IL1RAPL2: variants seen among roughly 807,000 people sequenced by gnomAD.
The protein encoded by IL1RAPL2 is X-linked interleukin-1 receptor accessory protein-like 2.
Under a neutral mutation model 44.1 loss-of-function variants are expected in IL1RAPL2, and 3 were observed. The ratio of observed to expected loss-of-function variants is 0.07; its 90% CI spans 0.03 to 0.18. The LOEUF is 0.18. Ranked by LOEUF, IL1RAPL2 falls within the 10% of genes least tolerant of loss-of-function variation. IL1RAPL2 has a pLI of 1.00. For synonymous variants in IL1RAPL2, 181 were observed against 178.8 expected, an observed-to-expected ratio of 1.01 and a Z score of -0.10; for missense variants, 391 against 496.4, an observed-to-expected ratio of 0.79 and a Z score of 2.02.
At chrX:105,680,904 C>A (rs1340503996) in intron 6 of IL1RAPL2, among the ~76,000 whole-genome samples, 1 of 111,656 alleles carries the variant, frequency 9.0e-6, no homozygotes, top group Non-Finnish European at 1.9e-5. Context: ...GAAATGAGGA[C>A]CCCCAAAACC....
At chrX:104,885,402 A>G (rs1426023601) in intron 2 of IL1RAPL2, among the ~76,000 whole-genome samples, 1 of 111,836 alleles carries the variant, frequency 8.9e-6, no homozygotes, top group Non-Finnish European at 1.9e-5. Context: ...GATGTCCACC[A>G]TAACTCAGGG....
intron 6 of IL1RAPL2, among the ~76,000 whole-genome samples, chrX:105,600,292 T>A (rs1381658520): frequency 2.7e-5 from 3 of 110,338 alleles, no homozygotes; most frequent in Non-Finnish European, 5.7e-5. Flanking sequence ...CTGCACGTAG[T>A]TTTTTTTCTA....
At chrX:105,394,510 A>G (rs1372570968) in intron 5 of IL1RAPL2, among the ~76,000 whole-genome samples, 2 of 111,188 alleles carry the variant, frequency 1.8e-5, no homozygotes, top group African/African-American at 6.5e-5. Flanking sequence ...TACTTGGGCC[A>G]TTGTAGCAGC....
chrX:104,986,631 A>T (rs1027258881), intron 2 of IL1RAPL2, among the ~76,000 whole-genome samples: 1 of 112,364 alleles, frequency 8.9e-6, no homozygotes, highest in Non-Finnish European at 1.9e-5. Context: ...GAATAATGGC[A>T]TCAGAATGTG....
Position 105,233,827 on chromosome X carries a change from A to T in IL1RAPL2, c.366A>T (p.Thr122=). The T allele has an allele frequency of 8.3e-7, 1 of 1,201,250 alleles. No homozygotes were observed. The highest frequency in any genetic ancestry group is 1.1e-6 in the Non-Finnish European group (1 of 889,846). The change falls in exon 4 of 11, where the codon ACA becomes ACT. Residue 122 remains threonine, a synonymous_variant. Coordinates refer to ENST00000372582, the MANE Select transcript of IL1RAPL2 (RefSeq NM_017416.2). ...GFYTCVLRNS[T]YCMKVSMSLT... is the part of the protein sequence containing the mutation. ...TTCTCTGTTCCTACAGAAACTCAAC[A>T]TATTGCATGAAGGTGTCAATGTCCT...
chrX:104,724,013 TAGC>T (rs1931737959), intron 2 of IL1RAPL2, among the ~76,000 whole-genome samples: 1 of 111,580 alleles, frequency 9.0e-6, no homozygotes, highest in African/African-American at 3.2e-5. Context: ...GAATTAGACA[TAGC>T]AGAATAGAGA....
Position 105,319,579 on chromosome X carries a change from G to A in IL1RAPL2, c.697+52038G>A, listed in dbSNP as rs1386832756. Among the ~76,000 whole-genome samples, 14 of 111,868 alleles carry A rather than the reference G, an allele frequency of 1.3e-4. No homozygotes were observed. In the Admixed American group the frequency reaches 1.3e-3, roughly 11 times the overall value. On this transcript the variant is annotated intron_variant, in intron 5 of 10. Transcript: ENST00000372582. ...TAAAATAGTGGGAAATTAAAGAAGG[G>A]TGCTTTTGTGCTTGCTTTCTTGCCA...
At chrX:105,710,476 C>T (rs1202965776) in intron 6 of IL1RAPL2, among the ~76,000 whole-genome samples, 1 of 105,710 alleles carries the variant, frequency 9.5e-6, no homozygotes, top group Admixed American at 1.0e-4. Context: ...TTCTTTCTTC[C>T]TTCCTTTAGC....
At chrX:104,908,594 T>C (rs1489673896) in intron 2 of IL1RAPL2, among the ~76,000 whole-genome samples, 1 of 111,648 alleles carries the variant, frequency 9.0e-6, no homozygotes, top group Admixed American at 9.5e-5. Flanking sequence ...AAATTCTGGG[T>C]TGAAAATTCT....
intron 6 of IL1RAPL2, among the ~76,000 whole-genome samples, chrX:105,621,843 G>A (rs2037420379): frequency 9.0e-6 from 1 of 110,933 alleles, no homozygotes; most frequent in Non-Finnish European, 1.9e-5. Flanking sequence ...AGCTATTACT[G>A]TACACCTCAG....
chrX:105,633,513 A>G, intron 6 of IL1RAPL2, among the ~76,000 whole-genome samples: 1 of 111,489 alleles, frequency 9.0e-6, no homozygotes, highest in Non-Finnish European at 1.9e-5. Flanking sequence ...AAAGGTCAAC[A>G]CTAATAGTTC....
At chrX:105,427,205 C>T (rs1445341364) in intron 5 of IL1RAPL2, among the ~76,000 whole-genome samples, 1 of 111,670 alleles carries the variant, frequency 9.0e-6, no homozygotes, top group Non-Finnish European at 1.9e-5. Context: ...CTTTCTTTGC[C>T]TGGATTAGGG....
chrX:105,676,666 G>A (rs2037876112), intron 6 of IL1RAPL2, among the ~76,000 whole-genome samples: 1 of 111,931 alleles, frequency 8.9e-6, no homozygotes, highest in Non-Finnish European at 1.9e-5. Flanking sequence ...ACAAATATTG[G>A]GAAATTGGTT....
intron 2 of IL1RAPL2, among the ~76,000 whole-genome samples, chrX:104,710,159 A>G (rs770029832): frequency 1.0e-3 from 115 of 111,487 alleles, no homozygotes; most frequent in Non-Finnish European, 1.4e-3. Flanking sequence ...AACTGAAAAC[A>G]GAGACTCCAA....
chrX:105,059,322 C>T (rs889963049), intron 2 of IL1RAPL2, among the ~76,000 whole-genome samples: 1 of 111,713 alleles, frequency 9.0e-6, no homozygotes, highest in African/African-American at 3.3e-5. Context: ...TCTCTATCTA[C>T]ATGAGTTCTG....
chrX:105,057,798 T>G (rs2032014716), intron 2 of IL1RAPL2, among the ~76,000 whole-genome samples: 1 of 110,656 alleles, frequency 9.0e-6, no homozygotes, highest in Non-Finnish European at 1.9e-5. Flanking sequence ...TTTATTTATT[T>G]TGAGATGGAG....
intron 3 of IL1RAPL2, among the ~76,000 whole-genome samples, chrX:105,232,254 C>T (rs1477330320): frequency 4.5e-5 from 5 of 111,552 alleles, no homozygotes; most frequent in Non-Finnish European, 9.4e-5. Flanking sequence ...CAAGAGGCAT[C>T]GCCATCTGGA....
At chrX:105,714,682 C>T (rs762270784) in intron 6 of IL1RAPL2, among the ~76,000 whole-genome samples, 1 of 111,846 alleles carries the variant, frequency 8.9e-6, no homozygotes, top group South Asian at 3.7e-4. Flanking sequence ...CCCAGTTCCA[C>T]AATAACATTA....
intron 1 of IL1RAPL2, among the ~76,000 whole-genome samples, chrX:104,582,606 TTC>T (rs771997316): frequency 9.8e-4 from 39 of 39,868 alleles, no homozygotes; most frequent in Non-Finnish European, 1.9e-3. Flanking sequence ...TTTTCTTTCT[TTC>T]TTTCTTTCTT....
Sources: allele counts gnomAD v4.1 joint callset (sites outside exome capture counted in the v4.1 genomes callset), GRCh38; gene constraint gnomAD v4.1.1; transcripts MANE v1.5; gene names NCBI Gene and HGNC (gene_info 2026-07-23, HGNC 2026-07-21).